The following TRMT11 variants were observed in gnomAD, a reference collection of about 807,000 sequenced individuals.
TRMT11 encodes the protein tRNA methyltransferase 11.
A neutral mutation model predicts 62.8 loss-of-function variants in TRMT11; 53 were observed. The ratio of observed to expected loss-of-function variants is 0.84; its 90% CI spans 0.68 to 1.06. TRMT11 has a LOEUF of 1.06. TRMT11 is among the 50% of genes least tolerant of loss of function. TRMT11 has a pLI of 0.00. For synonymous variants in TRMT11, 188 were observed against 190.3 expected (o/e 0.99, Z 0.10); for missense variants, 556 against 553.4 (o/e 1.00, Z -0.05).
intron 17 of TRMT11, among the ~76,000 whole-genome samples, chr6:126,110,995 A>T (rs746000055): frequency 6.6e-6 from 1 of 152,148 alleles, no homozygotes. Context: ...TAAGGAGAAA[A>T]TGAGTTTGAC....
intron 21 of TRMT11, among the ~76,000 whole-genome samples, chr6:126,168,459 A>G (rs975051938): frequency 2.6e-5 from 4 of 152,192 alleles, no homozygotes; most frequent in Non-Finnish European, 5.9e-5. Context: ...GCTGTATCCT[A>G]CTGATCATAT....
intron 1 of TRMT11, among the ~76,000 whole-genome samples, chr6:125,989,449 C>G (rs1790251034): frequency 1.3e-5 from 2 of 152,104 alleles, no homozygotes; most frequent in Admixed American, 6.5e-5. Context: ...TGGGTAGCCA[C>G]TGACTGTTTT....
At chr6:126,151,836 T>TTCTTTCTC (rs1778050586) in intron 21 of TRMT11, among the ~76,000 whole-genome samples, 2 of 142,388 alleles carry the variant, frequency 1.4e-5, no homozygotes, top group Non-Finnish European at 3.1e-5. Flanking sequence ...CTTTCTTTCT[T>TTCTTTCTC]TCTTTCTTTC....
chr6:125,989,622 CTG>C (rs1790272606), intron 1 of TRMT11, among the ~76,000 whole-genome samples: 1 of 152,180 alleles, frequency 6.6e-6, no homozygotes, highest in South Asian at 2.1e-4. Flanking sequence ...AGTGGTTAGA[CTG>C]TGGTCTCCAG....
At chr6:126,240,995 G>A in the TRMT11 span, among the ~76,000 whole-genome samples, 1 of 152,232 alleles carries the variant, frequency 6.6e-6, no homozygotes, top group Non-Finnish European at 1.5e-5. Context: ...CGTGGGCATA[G>A]GACCCTCCGA....
intron 17 of TRMT11, among the ~76,000 whole-genome samples, chr6:126,091,981 A>G (rs1777282365): frequency 6.6e-6 from 1 of 152,236 alleles, no homozygotes; most frequent in Admixed American, 6.5e-5. Context: ...GGTGCTAAAA[A>G]TAACTCATCA....
intron 17 of TRMT11, among the ~76,000 whole-genome samples, chr6:126,091,203 C>CAAA (rs34621211): frequency 3.0e-5 from 4 of 132,304 alleles, no homozygotes; most frequent in Admixed American, 1.5e-4. Flanking sequence ...GACTCCATCT[C>CAAA]AAAAAAAAAA....
the TRMT11 span, among the ~76,000 whole-genome samples, chr6:126,224,894 G>A: frequency 1.3e-5 from 2 of 152,198 alleles, no homozygotes; most frequent in South Asian, 2.1e-4. Context: ...ATCTGCAGAA[G>A]CTCTTTGATG....
intron 17 of TRMT11, among the ~76,000 whole-genome samples, chr6:126,093,620 TATA>T (rs1271458277): frequency 7.3e-5 from 7 of 96,052 alleles, no homozygotes; most frequent in African/African-American, 4.5e-4. Flanking sequence ...TATATATATA[TATA>T]TATATATATT....
chr6:126,127,268 A>G (rs1183256848), intron 21 of TRMT11, among the ~76,000 whole-genome samples: 3 of 152,074 alleles, frequency 2.0e-5, no homozygotes, highest in African/African-American at 4.8e-5. Flanking sequence ...AGGGAAGAGT[A>G]TGCTTGGAGA....
At position 126,038,763 on chromosome 6, in the gene TRMT11, A is replaced by T. The variant is rs768477707; in HGVS notation, c.1319A>T (p.Asn440Ile). Residue 440 changes from asparagine to isoleucine, a missense_variant, in exon 13 of 13, where the codon AAT (asparagine) becomes ATT (isoleucine). Coordinates refer to ENST00000334379, the MANE Select transcript of TRMT11 (RefSeq NM_001031712.3). ...SDHFLPYQGH[N>I]SFREKYFSGV... Reference sequence around the variant, plus strand: ...CATTTTCTGCCATACCAAGGTCATAATTCCTTCCGTGAGAAATATTTTAGT... The same window carrying T: ...CATTTTCTGCCATACCAAGGTCATATTTCCTTCCGTGAGAAATATTTTAGT... 5 of 1,607,002 alleles carry T rather than the reference A, an allele frequency of 3.1e-6. No homozygotes were observed. The highest frequency in any genetic ancestry group is 4.2e-6 in the Non-Finnish European group (5 of 1,176,906).
chr6:126,006,511 T>A (rs1480941838), intron 7 of TRMT11, among the ~76,000 whole-genome samples: 1 of 151,976 alleles, frequency 6.6e-6, no homozygotes, highest in Non-Finnish European at 1.5e-5. Context: ...GTTGCTAGCA[T>A]AGATCACATA....
chr6:126,036,030 AC>A (rs1398908086), intron 12 of TRMT11, among the ~76,000 whole-genome samples: 8 of 152,210 alleles, frequency 5.3e-5, no homozygotes, highest in African/African-American at 1.9e-4. Flanking sequence ...TGCTGGAATC[AC>A]ATTTCTGTCC....
chr6:126,054,019 A>C (rs1031522373), intron 17 of TRMT11, among the ~76,000 whole-genome samples: 1 of 152,206 alleles, frequency 6.6e-6, no homozygotes, highest in Non-Finnish European at 1.5e-5. Context: ...AAGAGGAGAA[A>C]TGAAGCTGGA....
At chr6:125,998,854 A>G (rs533975707) in intron 6 of TRMT11, among the ~76,000 whole-genome samples, 170 bp downstream of exon 6, 71 of 152,162 alleles carry the variant, frequency 4.7e-4, no homozygotes, top group Non-Finnish European at 8.8e-4. Context: ...GTTTTCCCAG[A>G]GATTCTTAAA....
At chr6:126,126,476 C>T (rs1041013002) in intron 21 of TRMT11, among the ~76,000 whole-genome samples, 2 of 152,108 alleles carry the variant, frequency 1.3e-5, no homozygotes, top group African/African-American at 4.8e-5. Context: ...TGTGTTAACT[C>T]ACTGGACTCA....
At chr6:126,002,893 T>C (rs982550136) in intron 7 of TRMT11, among the ~76,000 whole-genome samples, 1 of 152,116 alleles carries the variant, frequency 6.6e-6, no homozygotes, top group East Asian at 1.9e-4. Flanking sequence ...TTTCGCTACT[T>C]TCTTACACAA....
intron 17 of TRMT11, among the ~76,000 whole-genome samples, chr6:126,106,508 A>G (rs1275136012): frequency 6.6e-6 from 1 of 152,148 alleles, no homozygotes; most frequent in Non-Finnish European, 1.5e-5. Flanking sequence ...GCTGTTGGAA[A>G]GGGTTTTGCT....
intron 17 of TRMT11, among the ~76,000 whole-genome samples, chr6:126,054,254 A>G (rs895472450): frequency 2.0e-5 from 3 of 152,294 alleles, no homozygotes; most frequent in South Asian, 2.1e-4. Context: ...CCTTTGCTCC[A>G]GGGTCTGTTT....
Sources: allele counts gnomAD v4.1 joint callset (sites outside exome capture counted in the v4.1 genomes callset), GRCh38; gene constraint gnomAD v4.1.1; transcripts MANE v1.5; gene names NCBI Gene and HGNC (gene_info 2026-07-23, HGNC 2026-07-21).